The following BDKRB2 variants were observed in gnomAD, a reference collection of about 807,000 sequenced individuals.
The protein encoded by BDKRB2 is bradykinin receptor B2.
BDKRB2 carries 6 observed loss-of-function variants against 4.0 expected under a neutral mutation model. The observed-to-expected ratio is 1.49, with a 90% CI of 0.81 to 2.93. The LOEUF is 2.93. Among genes scored for constraint, BDKRB2 ranks in the 30% most tolerant of loss-of-function variants. BDKRB2 has a pLI of 0.00. For synonymous variants in BDKRB2, 225 were observed against 215.3 expected (o/e 1.05, Z -0.40); for missense variants, 478 against 520.1 (o/e 0.92, Z 0.79).
intron 1 of BDKRB2, among the ~76,000 whole-genome samples, chr14:96,229,988 G>C (rs557190731): frequency 1.9e-4 from 28 of 151,286 alleles, no homozygotes; most frequent in African/African-American, 6.5e-4. Flanking sequence ...AAAAAAATTA[G>C]CCAGGTGTGG....
At chr14:96,218,194 GC>G (rs1890471103) in intron 1 of BDKRB2, among the ~76,000 whole-genome samples, 1 of 152,090 alleles carries the variant, frequency 6.6e-6, no homozygotes, top group Non-Finnish European at 1.5e-5. Context: ...GGGTTGAGAT[GC>G]TCGTGCATGA....
chr14:96,209,300 C>T (rs935651262), intron 1 of BDKRB2, among the ~76,000 whole-genome samples: 2 of 152,156 alleles, frequency 1.3e-5, no homozygotes, highest in Non-Finnish European at 2.9e-5. Context: ...AAAACATGAG[C>T]CACAGAAAAT....
intron 1 of BDKRB2, among the ~76,000 whole-genome samples, chr14:96,208,286 A>C (rs1890234604): frequency 6.6e-6 from 1 of 152,224 alleles, no homozygotes; most frequent in African/African-American, 2.4e-5. Context: ...TAAGGCATGA[A>C]GTATTTCTTT....
intron 1 of BDKRB2, among the ~76,000 whole-genome samples, chr14:96,206,584 G>A (rs1890184585): frequency 6.6e-6 from 1 of 151,766 alleles, no homozygotes. Context: ...CTTGCCATTA[G>A]AAGTAATGCC....
At chr14:96,231,557 ATCC>A (rs1716616747) in intron 1 of BDKRB2, among the ~76,000 whole-genome samples, 1 of 152,156 alleles carries the variant, frequency 6.6e-6, no homozygotes, top group African/African-American at 2.4e-5. Context: ...TAAAAACAGC[ATCC>A]AGACTCAGTA....
intron 1 of BDKRB2, among the ~76,000 whole-genome samples, chr14:96,206,245 G>C (rs537336009): frequency 8.5e-5 from 13 of 152,056 alleles, no homozygotes; most frequent in Non-Finnish European, 1.5e-4. Flanking sequence ...CCAAGAGAAG[G>C]CGTCTTTGGA....
intron 1 of BDKRB2, among the ~76,000 whole-genome samples, chr14:96,205,289 G>C (rs76749454): frequency 0.14 from 21,405 of 152,092 alleles, 2,435 homozygotes; most frequent in African/African-American, 0.29. Flanking sequence ...GTAAGGCAGC[G>C]AGGTGTGTGT....
intron 1 of BDKRB2, among the ~76,000 whole-genome samples, chr14:96,231,510 G>T (rs1890818810): frequency 6.6e-6 from 1 of 152,126 alleles, no homozygotes; most frequent in East Asian, 1.9e-4. Context: ...GCCACCCCCT[G>T]CCTGCTGTGG....
At chr14:96,209,092 C>G (rs556899709) in intron 1 of BDKRB2, among the ~76,000 whole-genome samples, 1 of 152,320 alleles carries the variant, frequency 6.6e-6, no homozygotes, top group Admixed American at 6.5e-5. Context: ...GGAGAAAGAC[C>G]AAAATTTGTC....
chr14:96,216,483 C>A (rs184333313), intron 1 of BDKRB2, among the ~76,000 whole-genome samples: 2 of 151,742 alleles, frequency 1.3e-5, no homozygotes, highest in Non-Finnish European at 2.9e-5. Flanking sequence ...AATTAGTGAG[C>A]TGTGGTGGCA....
Position 96,241,396 on chromosome 14 carries a change from C to G in BDKRB2, c.1068C>G (p.Cys356Trp). The part of the protein sequence containing the change: ...VYQGVCQKGG[C>W]RSEPIQMENS... ...AGGGAGTGTGCCAGAAAGGGGGCTG[C>G]AGGTCAGAACCCATTCAGATGGAGA... Residue 356 changes from cysteine (C) to tryptophan (W), a missense_variant, in exon 3 of 3, where the codon TGC becomes TGG. Physicochemically the swap from Cys to Trp is radical, Grantham distance 215. Coordinates refer to ENST00000554311, the MANE Select transcript of BDKRB2 (RefSeq NM_001379692.1). 6.2e-7 allele frequency: 1 copy of G among 1,612,092 alleles called. No individual in the cohort carries two copies. The highest frequency in any genetic ancestry group is 8.5e-7 in the Non-Finnish European group (1 of 1,179,918).
chr14:96,227,535 G>A (rs770912218), intron 1 of BDKRB2, among the ~76,000 whole-genome samples: 3 of 152,128 alleles, frequency 2.0e-5, no homozygotes, highest in African/African-American at 7.2e-5. Flanking sequence ...GCACGCACAC[G>A]TGTACACACA....
At chr14:96,206,852 T>C (rs747411466) in intron 1 of BDKRB2, among the ~76,000 whole-genome samples, 6 of 152,118 alleles carry the variant, frequency 3.9e-5, no homozygotes, top group Non-Finnish European at 8.8e-5. Context: ...AACAGACATT[T>C]ATTGCTCTCG....
intron 1 of BDKRB2, among the ~76,000 whole-genome samples, chr14:96,226,726 T>A (rs1285590361): frequency 6.6e-6 from 1 of 152,148 alleles, no homozygotes; most frequent in Non-Finnish European, 1.5e-5. Context: ...ACTGGCTGTG[T>A]GTCCTGGTAG....
At chr14:96,231,258 G>A (rs960436533) in intron 1 of BDKRB2, among the ~76,000 whole-genome samples, 4 of 152,148 alleles carry the variant, frequency 2.6e-5, no homozygotes, top group Admixed American at 2.0e-4. Context: ...CCCATAAAGT[G>A]TCCAAATGCT....
intron 1 of BDKRB2, among the ~76,000 whole-genome samples, chr14:96,225,471 C>T (rs1443593653): frequency 6.6e-6 from 1 of 151,460 alleles, no homozygotes; most frequent in Non-Finnish European, 1.5e-5. Flanking sequence ...TTTTTTTGGC[C>T]CTGCCCACCA....
intron 1 of BDKRB2, among the ~76,000 whole-genome samples, chr14:96,224,903 G>T (rs1890659199): frequency 1.3e-5 from 2 of 152,210 alleles, no homozygotes; most frequent in Admixed American, 1.3e-4. Context: ...TGGCTAGGGT[G>T]AGGCTTTGAG....
At chr14:96,234,973 A>G (rs1890898489) in intron 1 of BDKRB2, among the ~76,000 whole-genome samples, 1 of 152,228 alleles carries the variant, frequency 6.6e-6, no homozygotes, top group Non-Finnish European at 1.5e-5. Context: ...CCAAGAGGAC[A>G]GGGGAGGCTG....
At chr14:96,205,242 G>T (rs1198876479) in intron 1 of BDKRB2, among the ~76,000 whole-genome samples, 2 of 152,202 alleles carry the variant, frequency 1.3e-5, no homozygotes, top group African/African-American at 4.8e-5. Context: ...GGGATTTCGT[G>T]ATTGGATTTT....
Sources: gnomAD v4.1 joint callset for allele counts (sites outside exome capture counted in the v4.1 genomes callset) on GRCh38, gnomAD v4.1.1 for gene constraint, MANE v1.5 for transcripts, NCBI Gene and HGNC (gene_info 2026-07-23, HGNC 2026-07-21) for gene names.